The following PELI2 variants were observed in gnomAD, a reference collection of about 807,000 sequenced individuals.
PELI2 encodes pellino E3 ubiquitin protein ligase family member 2.
In PELI2, 23 loss-of-function variants were observed where a neutral mutation model predicts 42.3. The ratio of observed to expected loss-of-function variants is 0.54; its 90% CI spans 0.39 to 0.77. The LOEUF (loss-of-function observed/expected upper bound fraction) is 0.77. Ranked by LOEUF, PELI2 falls within the 30% of genes least tolerant of loss-of-function variation. The probability of loss-of-function intolerance (pLI) is 0.00; values close to 1 mark genes in which losing one functional copy is unlikely to be tolerated. For missense variants in PELI2, 463 were observed against 553.2 expected (o/e 0.84, Z 1.64); for synonymous variants, 245 against 212.2 (o/e 1.15, Z -1.34).
intron 2 of PELI2, among the ~76,000 whole-genome samples, chr14:56,227,699 CG>C (rs1887409689): frequency 6.6e-6 from 1 of 152,212 alleles, no homozygotes; most frequent in Admixed American, 6.5e-5. Flanking sequence ...ATCCAGATCT[CG>C]GTTTCTATAT....
chr14:56,150,102 A>C (rs971578093), intron 1 of PELI2, among the ~76,000 whole-genome samples: 1 of 152,214 alleles, frequency 6.6e-6, no homozygotes, highest in Non-Finnish European at 1.5e-5. Context: ...CGCTTGAGAT[A>C]TAAGGAAAAA....
intron 2 of PELI2, among the ~76,000 whole-genome samples, chr14:56,217,118 T>C (rs77920381): frequency 0.021 from 3,145 of 152,326 alleles, 53 homozygotes; most frequent in Middle Eastern, 0.044. Flanking sequence ...TTTGTTACAT[T>C]ATAGTTGCAT....
intron 2 of PELI2, among the ~76,000 whole-genome samples, chr14:56,250,933 T>C (rs1379606470): frequency 1.3e-5 from 2 of 152,142 alleles, no homozygotes; most frequent in Admixed American, 1.3e-4. Flanking sequence ...GGGAAGCAAG[T>C]GAGAGCAAGG....
In PELI2 at chr14:56,299,227, G is replaced by C. The variant is rs2139917528; in HGVS notation, c.*2061G>C. On this transcript the variant is annotated 3_prime_UTR_variant, in exon 6 of 6. Transcript: ENST00000267460. ...ACCAAGAAAAAAAGATATTTTTCCAGAGAGTTAGGTATATCATAATTTTCC... is the reference window on the plus strand; with the variant it reads ...ACCAAGAAAAAAAGATATTTTTCCACAGAGTTAGGTATATCATAATTTTCC... 6.6e-6 allele frequency: 1 copy of C among 152,274 alleles called. No homozygotes were observed. Among genetic ancestry groups the C allele is most frequent in the East Asian group, 1.9e-4 (1 of 5,176 alleles). The allele number at this position is 152,274 out of a possible 1,614,324, so 9.4% of individuals were successfully genotyped here.
chr14:56,285,522 T>C (rs1448201367), intron 3 of PELI2, among the ~76,000 whole-genome samples: 1 of 152,028 alleles, frequency 6.6e-6, no homozygotes, highest in Non-Finnish European at 1.5e-5. Flanking sequence ...GGTGATACTA[T>C]TTAGGGAGAG....
At chr14:56,146,451 ACT>A (rs1331439724) in intron 1 of PELI2, among the ~76,000 whole-genome samples, 1 of 152,188 alleles carries the variant, frequency 6.6e-6, no homozygotes, top group Non-Finnish European at 1.5e-5. Context: ...GTGCAAACAT[ACT>A]TTCACCATAT....
At chr14:56,266,912 C>T (rs1196668106) in intron 2 of PELI2, among the ~76,000 whole-genome samples, 1 of 152,052 alleles carries the variant, frequency 6.6e-6, no homozygotes, top group Non-Finnish European at 1.5e-5. Context: ...ACTGTAACTA[C>T]ATTATATAGA....
intron 2 of PELI2, among the ~76,000 whole-genome samples, chr14:56,233,432 G>C (rs1206841569): frequency 6.6e-6 from 1 of 152,096 alleles, no homozygotes; most frequent in Non-Finnish European, 1.5e-5. Flanking sequence ...ACAGAACAGA[G>C]CCCTCAGAAG....
intron 2 of PELI2, among the ~76,000 whole-genome samples, chr14:56,229,003 G>T (rs1186692634): frequency 1.3e-5 from 2 of 152,264 alleles, no homozygotes; most frequent in African/African-American, 4.8e-5. Context: ...CTCATTGCTA[G>T]CACAGCAGTC....
intron 1 of PELI2, among the ~76,000 whole-genome samples, chr14:56,158,570 G>A (rs1206935331): frequency 1.3e-5 from 2 of 151,674 alleles, no homozygotes; most frequent in East Asian, 1.9e-4. Flanking sequence ...GCCTAGGCTG[G>A]TCTTGAACTC....
rs766657218 is a variant in PELI2, at chr14:56,273,432, A to G, written c.208-6244A>G. Among the ~76,000 whole-genome samples the G allele has an allele frequency of 6.6e-6, 1 of 152,254 alleles. No homozygotes were observed. Among genetic ancestry groups the G allele is most frequent in the Non-Finnish European group, 1.5e-5 (1 of 68,048 alleles). On this transcript the variant is annotated intron_variant, in intron 2 of 5. Coordinates refer to ENST00000267460, the MANE Select transcript of PELI2 (RefSeq NM_021255.3). This position sits in a 1 kb window ranked among gnomAD's most constrained non-coding sequence, Gnocchi z 4.3. ...AGCCAGCCCAGATGCCAGATGATAC[A>G]TGATGATTGCACAAAAGCATCTTCA...
intron 3 of PELI2, among the ~76,000 whole-genome samples, chr14:56,287,523 C>T (rs1300962041): frequency 6.6e-6 from 1 of 152,038 alleles, no homozygotes; most frequent in African/African-American, 2.4e-5. Context: ...CATTTTTTAA[C>T]AAGTTATGTG....
At position 56,178,398 on chromosome 14, in the gene PELI2, G is replaced by A; in HGVS notation, c.141G>A (p.Lys47=). 1 of 1,614,130 alleles carries A rather than the reference G, an allele frequency of 6.2e-7. No individual in the cohort carries two copies. Among genetic ancestry groups the A allele is most frequent in the Non-Finnish European group, 8.5e-7 (1 of 1,179,976 alleles). Reference sequence around the variant, plus strand: ...GGAAAAGTAGATTTGCCCTCTACAAGCGGCCCAAGGCAAATGGTGTCAAAC... The same window carrying A: ...GGAAAAGTAGATTTGCCCTCTACAAACGGCCCAAGGCAAATGGTGTCAAAC... The part of the protein sequence containing the change: ...GRRKSRFALY[K]RPKANGVKPS... The change falls in exon 2 of 6, where the codon AAG becomes AAA. Residue 47 remains lysine, a synonymous_variant. Coordinates refer to ENST00000267460, the MANE Select transcript of PELI2 (RefSeq NM_021255.3).
intron 1 of PELI2, among the ~76,000 whole-genome samples, chr14:56,177,102 T>C (rs1885410994): frequency 6.6e-6 from 1 of 152,222 alleles, no homozygotes; most frequent in Non-Finnish European, 1.5e-5. Flanking sequence ...TTTATATAGC[T>C]GACATTCCTT....
At chr14:56,122,233 C>T (rs1434978771) in intron 1 of PELI2, among the ~76,000 whole-genome samples, 1 of 152,122 alleles carries the variant, frequency 6.6e-6, no homozygotes, top group East Asian at 1.9e-4. Context: ...GCACATTCTG[C>T]ACATGTATTC....
chr14:56,222,900 G>A (rs777289623), intron 2 of PELI2, among the ~76,000 whole-genome samples: 4 of 152,216 alleles, frequency 2.6e-5, no homozygotes, highest in Admixed American at 6.5e-5. Context: ...TAGAGTGGGC[G>A]AAGGTGTTGA....
chr14:56,126,363 A>G (rs896663871), intron 1 of PELI2, among the ~76,000 whole-genome samples: 3 of 152,234 alleles, frequency 2.0e-5, no homozygotes, highest in African/African-American at 7.2e-5. Flanking sequence ...ATTGCGAGTC[A>G]TTCTCGATTG....
rs373351392 is a variant in PELI2 at position 56,288,399 on chromosome 14, T to G, written c.310-38T>G. ...GTGAATAAAATACGGCACCCTGCTA[T>G]TTTCCAAGTGAATCACGAGTACATT... is the stretch of plus-strand genomic sequence containing the variant. On this transcript the variant is annotated intron_variant, in intron 3 of 5. Transcript: ENST00000267460. This position sits in a 1 kb window ranked among gnomAD's most constrained non-coding sequence, Gnocchi z 4.6. The G allele has an allele frequency of 3.9e-6, 6 of 1,531,256 alleles. No individual in the cohort carries two copies. Among genetic ancestry groups the G allele is most frequent in the Non-Finnish European group, 5.4e-6 (6 of 1,108,432 alleles). 94.9% of individuals were successfully genotyped at this position (1,531,256 alleles called of 1,614,324 possible).
At chr14:56,295,352 C>G (rs577471133) in intron 5 of PELI2, among the ~76,000 whole-genome samples, 19 of 152,176 alleles carry the variant, frequency 1.2e-4, no homozygotes, top group East Asian at 5.8e-4. Context: ...TCGTCCCCCC[C>G]CACCCAGTGC....
Sources: gnomAD v4.1 joint callset for allele counts (sites outside exome capture counted in the v4.1 genomes callset) on GRCh38, gnomAD v4.1.1 for gene constraint, Gnocchi (gnomAD v3.1) non-coding constraint, MANE v1.5 for transcripts, NCBI Gene and HGNC (gene_info 2026-07-23, HGNC 2026-07-21) for gene names.